SLC4A8: variants seen among roughly 807,000 people sequenced by gnomAD.
The protein encoded by SLC4A8 is solute carrier family 4 member 8, also known as electroneutral sodium bicarbonate exchanger 1.
Under a neutral mutation model 125.0 loss-of-function variants are expected in SLC4A8, and 40 were observed. The observed-to-expected ratio is 0.32, with a 90% CI of 0.25 to 0.42. The LOEUF is 0.42. SLC4A8 is among the 10% of genes least tolerant of loss of function. The pLI is 1.00. For missense variants in SLC4A8, 863 were observed against 1,355.1 expected (o/e 0.64, Z 5.70); for synonymous variants, 456 against 476.0 (o/e 0.96, Z 0.55).
upstream of SLC4A8, among the ~76,000 whole-genome samples, chr12:51,424,077 CA>C (rs1233204930): frequency 1.6e-5 from 1 of 62,308 alleles, no homozygotes; most frequent in African/African-American, 5.1e-5. Flanking sequence ...AAAAAAAAAA[CA>C]AAAAAAACCC....
At chr12:51,476,020 CA>C (rs1193571011) in intron 16 of SLC4A8, among the ~76,000 whole-genome samples, 14 of 152,200 alleles carry the variant, frequency 9.2e-5, no homozygotes, top group Non-Finnish European at 1.8e-4. Flanking sequence ...GTTTGTGCCA[CA>C]GAAGGGCCCC....
intron 15 of SLC4A8, 101 bp from the exon 16 acceptor site, chr12:51,474,944 C>T: frequency 1.8e-6 from 2 of 1,128,234 alleles, no homozygotes; most frequent in East Asian, 2.4e-5. Flanking sequence ...AGCCTCTGCT[C>T]CCAACAACCA....
intron 18 of SLC4A8, among the ~76,000 whole-genome samples, chr12:51,489,443 G>T (rs1464501115): frequency 6.6e-6 from 1 of 152,212 alleles, no homozygotes. Flanking sequence ...ATCTTTGAAT[G>T]TGTAAGACTC....
chr12:51,479,682 CAAA>C (rs759517132), intron 16 of SLC4A8, among the ~76,000 whole-genome samples: 4 of 39,200 alleles, frequency 1.0e-4, no homozygotes, highest in Non-Finnish European at 5.1e-5. Flanking sequence ...GACTTGGTCT[CAAA>C]AAAAAAAAAA....
intron 22 of SLC4A8, among the ~76,000 whole-genome samples, chr12:51,501,504 G>A (rs1027189609): frequency 5.3e-5 from 8 of 152,200 alleles, no homozygotes; most frequent in African/African-American, 1.2e-4. Context: ...CTTTGTGGCT[G>A]CGTAGTATTC....
At chr12:51,437,732 G>A (rs1949465364) in intron 1 of SLC4A8, among the ~76,000 whole-genome samples, 2 of 152,168 alleles carry the variant, frequency 1.3e-5, no homozygotes, top group Admixed American at 6.5e-5. Flanking sequence ...TACAGGAGAC[G>A]TGGGGATTTA....
At chr12:51,505,228 A>G (rs1938116071) in intron 23 of SLC4A8, among the ~76,000 whole-genome samples, 4 of 152,228 alleles carry the variant, frequency 2.6e-5, no homozygotes, top group Admixed American at 2.6e-4. Flanking sequence ...TCTGGCTTGC[A>G]GCAAACATCA....
At chr12:51,483,895 C>A (rs915145383) in intron 16 of SLC4A8, among the ~76,000 whole-genome samples, 3 of 152,130 alleles carry the variant, frequency 2.0e-5, no homozygotes, top group South Asian at 2.1e-4. Flanking sequence ...CTGCTCCCCC[C>A]ACCCCACAAC....
chr12:51,394,765 A>G (rs1315531114), intron 1 of SLC4A8, among the ~76,000 whole-genome samples: 2 of 152,278 alleles, frequency 1.3e-5, no homozygotes, highest in Non-Finnish European at 2.9e-5. Flanking sequence ...TGACAAAATC[A>G]TCTGTACACC....
rs1471255966 is a variant in SLC4A8, at chr12:51,488,779, A to T, written c.2367A>T (p.Pro789=). The change falls in exon 18 of 25, where the codon CCA becomes CCT. Residue 789 remains proline (P), a synonymous_variant. Transcript: ENST00000453097. The part of the protein sequence containing the change: ...PWWTVIAAII[P]ALLCTILIFM... The stretch of plus-strand genomic sequence containing the variant: ...GGACTGTGATAGCTGCAATTATCCC[A>T]GCTCTTCTCTGTACTATCTTGATAT... 1 of 1,613,594 alleles carries T rather than the reference A, an allele frequency of 6.2e-7. No individual in the cohort carries two copies. Among genetic ancestry groups the T allele is most frequent in the Non-Finnish European group, 8.5e-7 (1 of 1,179,618 alleles).
At chr12:51,400,765 TATATATATATATACATAC>T (rs1339485449) in intron 1 of SLC4A8, among the ~76,000 whole-genome samples, 2,477 of 7,828 alleles carry the variant, frequency 0.32, 382 homozygotes, top group Admixed American at 0.4. Flanking sequence ...TATATATATA[TATATATATATATACATAC>T]ATACACACAC....
At chr12:51,458,390 A>G (rs930604507) in intron 6 of SLC4A8, among the ~76,000 whole-genome samples, 169 bp from the exon 7 acceptor site, 1 of 152,176 alleles carries the variant, frequency 6.6e-6, no homozygotes, top group Non-Finnish European at 1.5e-5. Context: ...CTTACCACTA[A>G]CTAGTAGATA....
chr12:51,403,281 A>T (rs776917804), intron 1 of SLC4A8: 3 of 455,224 alleles, frequency 6.6e-6, no homozygotes, highest in South Asian at 4.7e-5. Context: ...GGATCAGTGG[A>T]GCCAACATGT....
intron 1 of SLC4A8, among the ~76,000 whole-genome samples, chr12:51,400,754 A>G (rs1439128589): frequency 0.045 from 160 of 3,564 alleles, 34 homozygotes; most frequent in African/African-American, 0.16. Context: ...ATATATATAT[A>G]TATATATATA....
intron 1 of SLC4A8, among the ~76,000 whole-genome samples, chr12:51,433,871 TTTTTTTTG>T (rs371090296): frequency 0.53 from 70,449 of 132,674 alleles, 19,278 homozygotes; most frequent in South Asian, 0.56. Flanking sequence ...TTTTTTTTTT[TTTTTTTTG>T]GTTGGTTTTT....
At chr12:51,507,276 A>G (rs1418591435) in intron 24 of SLC4A8, 150 bp from the exon 25 acceptor site, 2 of 492,436 alleles carry the variant, frequency 4.1e-6, no homozygotes, top group African/African-American at 3.9e-5. Flanking sequence ...TATAACGCAC[A>G]TGGTTATTTT....
chr12:51,470,676 C>T, intron 13 of SLC4A8, 151 bp downstream of exon 13: 1 of 681,802 alleles, frequency 1.5e-6, no homozygotes, highest in East Asian at 2.7e-5. Flanking sequence ...TGTTGTCCTG[C>T]CCCCGGGTAG....
At position 51,463,688 on chromosome 12, in the gene SLC4A8, T is replaced by C. The variant is rs570485552; in HGVS notation, c.1323T>C (p.Ser441=). 21 of 1,613,916 alleles carry C rather than the reference T, an allele frequency of 1.3e-5. No homozygotes were observed. In the East Asian group the frequency reaches 2.7e-4, roughly 21 times the overall value. Residue 441 remains serine (S), a synonymous_variant, in exon 11 of 25, where the codon AGT becomes AGC. Coordinates refer to ENST00000453097, the MANE Select transcript of SLC4A8 (RefSeq NM_001039960.3). ...AACAGGAACCACATGGGGGTCACAGTGGGCCAGAACTTCAGCGCACTGGGC... is the reference window on the plus strand; with the variant it reads ...AACAGGAACCACATGGGGGTCACAGCGGGCCAGAACTTCAGCGCACTGGGC... ...HIEQEPHGGH[S]GPELQRTGRL...
Position 51,393,040 on chromosome 12 carries a change from TTC to T in SLC4A8, c.-112+1554_-112+1555del, listed in dbSNP as rs757648307. Among the ~76,000 whole-genome samples, 110 of 120,344 alleles carry T rather than the reference TTC, an allele frequency of 9.1e-4. 1 individual carries two copies. The highest frequency in any genetic ancestry group is 1.6e-3 in the Non-Finnish European group (81 of 52,080). The allele number at this position is 120,344 out of a possible 152,430, so 79.0% of individuals were successfully genotyped here. ...CCCCGCCTCCCTCCTTTTTTCTTTT[TTC>T]TTTCTTTCTTACTCTCTCTGTCTCT... is the stretch of plus-strand genomic sequence containing the variant. On this transcript the variant is annotated intron_variant, in intron 1 of 24. Transcript: ENST00000358657.
Sources: allele counts gnomAD v4.1 joint callset (sites outside exome capture counted in the v4.1 genomes callset), GRCh38; gene constraint gnomAD v4.1.1; transcripts MANE v1.5; gene names NCBI Gene and HGNC (gene_info 2026-07-23, HGNC 2026-07-21).